The following MYO1D variants were observed in gnomAD, a reference collection of about 807,000 sequenced individuals.
MYO1D encodes the protein myosin ID.
In MYO1D, 83 loss-of-function variants were observed where a neutral mutation model predicts 122.0. That is an observed-to-expected ratio of 0.68 (90% CI 0.57 to 0.82). The LOEUF is 0.82. Among genes scored for constraint, MYO1D ranks in the 40% least tolerant of loss-of-function variants. The pLI is 0.00. For synonymous variants in MYO1D, 464 were observed against 446.9 expected (o/e 1.04, Z -0.48); for missense variants, 1,157 against 1,269.5 (o/e 0.91, Z 1.35).
At position 32,712,068 on chromosome 17, in the gene MYO1D, T is replaced by C; in HGVS notation, c.2041A>G (p.Ile681Val). 2 of 1,614,150 alleles carry C rather than the reference T, an allele frequency of 1.2e-6. No homozygotes were observed. Among genetic ancestry groups the C allele is most frequent in the East Asian group, 2.2e-5 (1 of 44,878 alleles). Residue 681 changes from isoleucine (I) to valine (V), a missense_variant, in exon 16 of 22, where the codon ATT becomes GTT. Coordinates refer to ENST00000318217, the MANE Select transcript of MYO1D (RefSeq NM_015194.3). ...GTAAACAATGTTCGGGGTGTTCGAA[T>C]GAAAATTTTGGTCTTCCCATAAGCT... is the stretch of plus-strand genomic sequence containing the variant. ...DVAYGKTKIF[I>V]RTPRTLFTLE...
intron 1 of MYO1D, among the ~76,000 whole-genome samples, chr17:32,785,749 C>T (rs2090286940): frequency 6.6e-6 from 1 of 152,194 alleles, no homozygotes; most frequent in Non-Finnish European, 1.5e-5. Flanking sequence ...TTCTGCTTCT[C>T]TGGTTTTCCT....
intron 1 of MYO1D, chr17:32,863,069 A>T (rs1235936465): frequency 6.6e-6 from 1 of 152,252 alleles, no homozygotes; most frequent in Non-Finnish European, 1.5e-5. Context: ...TAAGAGTTTC[A>T]GATAAAATAG....
intron 21 of MYO1D, among the ~76,000 whole-genome samples, chr17:32,524,046 T>C (rs1269371417): frequency 1.3e-5 from 2 of 152,262 alleles, no homozygotes; most frequent in African/African-American, 2.4e-5. Context: ...GTAATCAGCA[T>C]GTGCTGCTGC....
At chr17:32,711,343 C>A (rs998602621) in intron 16 of MYO1D, among the ~76,000 whole-genome samples, 2 of 152,110 alleles carry the variant, frequency 1.3e-5, no homozygotes, top group East Asian at 1.9e-4. Flanking sequence ...TTTTTACTTA[C>A]AAGATTTAAA....
intron 21 of MYO1D, among the ~76,000 whole-genome samples, chr17:32,589,727 G>A (rs960315280): frequency 1.3e-5 from 2 of 152,184 alleles, no homozygotes; most frequent in African/African-American, 4.8e-5. Flanking sequence ...TGCTGACCCT[G>A]AAGGTAAAAA....
At chr17:32,605,031 C>A in intron 21 of MYO1D, 56 bp downstream of exon 21, 1 of 1,461,692 alleles carries the variant, frequency 6.8e-7, no homozygotes, top group South Asian at 1.5e-5. Flanking sequence ...GTGATAATTA[C>A]GATTAAAGAT....
chr17:32,861,172 C>T (rs1567675905), intron 1 of MYO1D, among the ~76,000 whole-genome samples: 1 of 127,078 alleles, frequency 7.9e-6, no homozygotes, highest in Admixed American at 7.6e-5. Flanking sequence ...AGGTTCATGC[C>T]ATTCTCCTGC....
intron 20 of MYO1D, among the ~76,000 whole-genome samples, chr17:32,617,272 T>C (rs577864170): frequency 7.9e-4 from 120 of 152,286 alleles, no homozygotes; most frequent in Non-Finnish European, 1.5e-3. Context: ...CATAAGGCTC[T>C]CCGGTCAGCA....
chr17:32,755,243 T>C (rs1162322299), intron 11 of MYO1D, among the ~76,000 whole-genome samples: 3 of 152,244 alleles, frequency 2.0e-5, no homozygotes, highest in Non-Finnish European at 2.9e-5. Flanking sequence ...TCATTTTTCC[T>C]GTTTCTACCA....
In MYO1D at chr17:32,622,734, A is replaced by G. The variant is rs183830902; in HGVS notation, c.2709+15988T>C. On this transcript the variant is annotated intron_variant, in intron 20 of 21. Coordinates refer to ENST00000318217, the MANE Select transcript of MYO1D (RefSeq NM_015194.3). Reference sequence around the variant, plus strand: ...TGATTTCTACAGGCATGGGATTGCCAGTTTGCAAGGGGGCAAAGAGCAGTT... The same window carrying G: ...TGATTTCTACAGGCATGGGATTGCCGGTTTGCAAGGGGGCAAAGAGCAGTT... 9.0e-4 allele frequency among the ~76,000 whole-genome samples: 137 copies of G among 152,358 alleles called. 1 individual carries two copies. Among genetic ancestry groups the G allele is most frequent in the Admixed American group, 9.2e-4 (14 of 15,294 alleles).
intron 6 of MYO1D, 112 bp from the exon 7 acceptor site, chr17:32,767,864 A>G: frequency 1.4e-6 from 1 of 695,522 alleles, no homozygotes. Context: ...AAATCACTTG[A>G]GGGGATGGTG....
At chr17:32,735,595 A>T (rs924998759) in intron 14 of MYO1D, among the ~76,000 whole-genome samples, 3 of 151,898 alleles carry the variant, frequency 2.0e-5, no homozygotes, top group African/African-American at 7.3e-5. Flanking sequence ...TCTCACTAAC[A>T]TTTTTGTCTG....
At chr17:32,626,489 T>C (rs2087929772) in intron 20 of MYO1D, among the ~76,000 whole-genome samples, 1 of 152,204 alleles carries the variant, frequency 6.6e-6, no homozygotes, top group African/African-American at 2.4e-5. Context: ...TGGTTGGTGC[T>C]TTCAGACGTT....
intron 7 of MYO1D, among the ~76,000 whole-genome samples, chr17:32,766,121 A>T (rs766081848): frequency 7.2e-5 from 11 of 152,058 alleles, no homozygotes; most frequent in Admixed American, 1.3e-4. Flanking sequence ...CCTGGGTTCA[A>T]GCAATCTGTC....
intron 20 of MYO1D, among the ~76,000 whole-genome samples, chr17:32,617,463 G>A (rs973041343): frequency 6.6e-6 from 1 of 152,030 alleles, no homozygotes; most frequent in Non-Finnish European, 1.5e-5. Context: ...ACGGAGTTTC[G>A]CTGTTGTCTG....
chr17:32,579,014 T>C (rs1287778305), intron 21 of MYO1D, among the ~76,000 whole-genome samples: 3 of 152,242 alleles, frequency 2.0e-5, no homozygotes, highest in Non-Finnish European at 4.4e-5. Flanking sequence ...CTTGCCACTC[T>C]GGACTACTCA....
intron 7 of MYO1D, among the ~76,000 whole-genome samples, chr17:32,765,954 CT>C (rs1417819869): frequency 6.6e-6 from 1 of 152,030 alleles, no homozygotes; most frequent in East Asian, 1.9e-4. Context: ...TGCACCATGG[CT>C]CACTGCAGCC....
intron 1 of MYO1D, among the ~76,000 whole-genome samples, chr17:32,876,544 G>A (rs766298804): frequency 2.0e-5 from 3 of 152,090 alleles, no homozygotes; most frequent in Non-Finnish European, 4.4e-5. Context: ...AGGGAAGCGC[G>A]GCCCTTGAGC....
chr17:32,738,074 G>A (rs371681068), intron 14 of MYO1D, among the ~76,000 whole-genome samples, 179 bp downstream of exon 14: 3 of 152,066 alleles, frequency 2.0e-5, no homozygotes, highest in Admixed American at 6.6e-5. Context: ...ACCAACAATC[G>A]TTCCACTGAG....
Sources: allele counts gnomAD v4.1 joint callset (sites outside exome capture counted in the v4.1 genomes callset), GRCh38; gene constraint gnomAD v4.1.1; transcripts MANE v1.5; gene names NCBI Gene and HGNC (gene_info 2026-07-23, HGNC 2026-07-21).